Variants in ATP5F1A observed in about 807,000 individuals in gnomAD.
ATP5F1A encodes the protein ATP synthase F1 subunit alpha.
A neutral mutation model predicts 57.4 loss-of-function variants in ATP5F1A; 24 were observed. The observed-to-expected ratio is 0.42, with a 90% CI of 0.30 to 0.59. The LOEUF (loss-of-function observed/expected upper bound fraction) is 0.59. Ranked by LOEUF, ATP5F1A falls within the 20% of genes least tolerant of loss-of-function variation. The probability of loss-of-function intolerance (pLI) is 0.19; values close to 1 mark genes in which losing one functional copy is unlikely to be tolerated. For missense variants in ATP5F1A, 494 were observed against 707.9 expected (o/e 0.70, Z 3.43); for synonymous variants, 251 against 255.5 (o/e 0.98, Z 0.17).
intron 6 of ATP5F1A, 56 bp downstream of exon 6, chr18:46,088,053 A>T (rs563064129): frequency 6.4e-7 from 1 of 1,558,982 alleles, no homozygotes; most frequent in African/African-American, 1.4e-5. Flanking sequence ...GCTATTCTAC[A>T]ATCAGCAGCA....
At chr18:46,097,818 G>C in intron 1 of ATP5F1A, 19 of 1,089,732 alleles carry the variant, frequency 1.7e-5, no homozygotes, top group Non-Finnish European at 2.1e-5. Context: ...CCTAAGAATC[G>C]AAAGAGAGGA....
rs1308989358 is a variant in ATP5F1A, at chr18:46,081,660, CAAAAAAAAAAAACAAAAAA to C, written c.*2603_*2621del. ...GCCTGGGCAACAAGAGCAAAACTCT[CAAAAAAAAAAAACAAAAAA>C]AAAAAAAAAAAAAAAAAACGAAATG... On this transcript the variant is annotated 3_prime_UTR_variant, in exon 12 of 12. Coordinates refer to ENST00000398752, the MANE Select transcript of ATP5F1A (RefSeq NM_004046.6). 1.4e-5 allele frequency: 1 copy of C among 73,974 alleles called. No individual in the cohort carries two copies. The highest frequency in any genetic ancestry group is 2.0e-4 in the Admixed American group (1 of 5,050). 4.6% of individuals were successfully genotyped at this position (73,974 alleles called of 1,614,324 possible). A position where few individuals can be genotyped will look rare whatever the true frequency, so the allele number is the denominator to read the frequency against.
chr18:46,100,549 G>A (rs1053258484), upstream of ATP5F1A, among the ~76,000 whole-genome samples: 3 of 151,870 alleles, frequency 2.0e-5, no homozygotes, highest in Non-Finnish European at 4.4e-5. Flanking sequence ...GTTTGGGAGT[G>A]CAGTGAGCTG....
At position 46,086,513 on chromosome 18, in the gene ATP5F1A, C is replaced by A; in HGVS notation, c.1177-19G>T. The A allele has an allele frequency of 3.1e-6, 5 of 1,599,110 alleles. No homozygotes were observed. Among genetic ancestry groups the A allele is most frequent in the Non-Finnish European group, 4.3e-6 (5 of 1,169,822 alleles). ...AGAAGATCTATAATGTAAGGAAATA[C>A]GCACGCTAGCAAGCTTAAAGTAAGA... On this transcript the variant is annotated intron_variant, in intron 8 of 11. Transcript: ENST00000398752.
upstream of ATP5F1A, among the ~76,000 whole-genome samples, chr18:46,100,897 A>AC (rs1388521773): frequency 6.6e-6 from 1 of 151,598 alleles, no homozygotes; most frequent in Non-Finnish European, 1.5e-5. Flanking sequence ...ACATGATGAA[A>AC]CCCCGTCTCT....
At chr18:46,094,464 C>G (rs184451278) in intron 2 of ATP5F1A, among the ~76,000 whole-genome samples, 2 of 152,182 alleles carry the variant, frequency 1.3e-5, no homozygotes, top group East Asian at 3.9e-4. Flanking sequence ...GTCAGGAGAT[C>G]GAGACCATCC....
intron 6 of ATP5F1A, 127 bp from the exon 7 acceptor site, chr18:46,087,619 C>A (rs1910215053): frequency 6.3e-6 from 7 of 1,114,528 alleles, no homozygotes; most frequent in Non-Finnish European, 8.9e-6. Context: ...GTGGCTCATG[C>A]CTGTAATCCC....
At chr18:46,104,189 G>A (rs745841482) in exon 1 of ATP5F1A, 2 of 403,510 alleles carry the variant, frequency 5.0e-6, no homozygotes, top group Non-Finnish European at 8.8e-6. Flanking sequence ...GCGGAAGGCG[G>A]GAAGAGCTGG....
intron 1 of ATP5F1A, among the ~76,000 whole-genome samples, chr18:46,096,086 G>A (rs747251578): frequency 2.0e-5 from 3 of 151,752 alleles, no homozygotes; most frequent in East Asian, 2.0e-4. Flanking sequence ...ACAGGGTTTC[G>A]CCATGTTGGC....
chr18:46,098,316 C>A (rs1364170063), upstream of ATP5F1A: 4 of 1,479,894 alleles, frequency 2.7e-6, no homozygotes, highest in South Asian at 3.8e-5. Flanking sequence ...CAAAGAAGGT[C>A]AAGACAGCCG....
intron 1 of ATP5F1A, among the ~76,000 whole-genome samples, chr18:46,096,229 G>A (rs1354708150): frequency 6.6e-6 from 1 of 151,710 alleles, no homozygotes; most frequent in Non-Finnish European, 1.5e-5. Flanking sequence ...GGCAGGGCAC[G>A]GTGGCTCATG....
intron 2 of ATP5F1A, 48 bp downstream of exon 2, chr18:46,095,005 A>G: frequency 6.5e-7 from 1 of 1,548,440 alleles, no homozygotes; most frequent in Non-Finnish European, 8.7e-7. Flanking sequence ...TATGTAATTT[A>G]TATCTTCATC....
chr18:46,096,891 G>C (rs1194181726), intron 1 of ATP5F1A, among the ~76,000 whole-genome samples: 3 of 149,510 alleles, frequency 2.0e-5, no homozygotes, highest in African/African-American at 7.4e-5. Flanking sequence ...GCTGAGGTGG[G>C]AGAATCACTT....
At chr18:46,098,388 C>T, upstream of ATP5F1A, 1 of 1,310,132 alleles carries the variant, frequency 7.6e-7, no homozygotes. Flanking sequence ...CCCCCGCCGC[C>T]ACTCTGCATT....
intron 10 of ATP5F1A, 45 bp downstream of exon 10, chr18:46,086,068 G>A (rs373027153): frequency 6.3e-7 from 1 of 1,596,684 alleles, no homozygotes. Flanking sequence ...GGAAGACCCT[G>A]ATACACAATA....
At position 46,081,692 on chromosome 18, in the gene ATP5F1A, A is replaced by AAAAAAAAAAAAAAAAAAAAC. The variant is rs1568240735; in HGVS notation, c.*2589_*2590insGTTTTTTTTTTTTTTTTTTT. On this transcript the variant is annotated 3_prime_UTR_variant, in exon 12 of 12. Coordinates refer to ENST00000398752, the MANE Select transcript of ATP5F1A (RefSeq NM_004046.6). Reference sequence around the variant, plus strand: ...AAAAAACAAAAAAAAAAAAAAAAAAAAAAAACGAAATGTGCAGAACCTTCT... The same window carrying AAAAAAAAAAAAAAAAAAAAC: ...AAAAAACAAAAAAAAAAAAAAAAAAAAAAAAAAAAAAAAAAAAAACAAAAACGAAATGTGCAGAACCTTCT... The AAAAAAAAAAAAAAAAAAAAC allele has an allele frequency of 4.2e-5, 6 of 144,436 alleles. No individual in the cohort carries two copies. The highest frequency in any genetic ancestry group is 7.7e-5 in the Non-Finnish European group (5 of 65,348). The allele number at this position is 144,436 out of a possible 1,614,324, so 8.9% of individuals were successfully genotyped here.
upstream of ATP5F1A, among the ~76,000 whole-genome samples, chr18:46,100,049 G>A (rs368178871): frequency 4.0e-5 from 6 of 151,744 alleles, no homozygotes; most frequent in African/African-American, 1.2e-4. Flanking sequence ...TCAGGAGTTC[G>A]AGACCAGCTT....
chr18:46,087,285 T>TG (rs773220394), intron 7 of ATP5F1A, 53 bp from the exon 8 acceptor site: 66 of 1,611,506 alleles, frequency 4.1e-5, no homozygotes, highest in Non-Finnish European at 5.6e-5. Context: ...AAGTTGCATA[T>TG]GTGAACTTTT....
intron 2 of ATP5F1A, chr18:46,092,154 G>T (rs1910603251): frequency 6.5e-6 from 1 of 152,726 alleles, no homozygotes; most frequent in Non-Finnish European, 1.4e-5. Flanking sequence ...TCAAGCCTGG[G>T]TAACAAGGGC....
Sources: gnomAD v4.1 joint callset for allele counts (sites outside exome capture counted in the v4.1 genomes callset) on GRCh38, gnomAD v4.1.1 for gene constraint, MANE v1.5 for transcripts, NCBI Gene and HGNC (gene_info 2026-07-23, HGNC 2026-07-21) for gene names.